Variants in NCOA6 observed in about 807,000 individuals in gnomAD.
NCOA6 encodes nuclear receptor coactivator 6.
Under a neutral mutation model 171.4 loss-of-function variants are expected in NCOA6, and 49 were observed. The observed-to-expected ratio is 0.29, with a 90% confidence interval of 0.23 to 0.36. The LOEUF is 0.36. Among genes scored for constraint, NCOA6 ranks in the 10% least tolerant of loss-of-function variants. NCOA6 has a pLI of 1.00. For synonymous variants in NCOA6, 910 were observed against 927.5 expected, an observed-to-expected ratio of 0.98 and a Z score of 0.34; for missense variants, 2,248 against 2,554.5, an observed-to-expected ratio of 0.88 and a Z score of 2.59.
At chr20:34,751,262 C>T (rs1600851855) in intron 8 of NCOA6, among the ~76,000 whole-genome samples, 3 of 145,844 alleles carry the variant, frequency 2.1e-5, no homozygotes, top group East Asian at 2.0e-4. Flanking sequence ...CCCAGCTACT[C>T]GGGAGGCTGA....
intron 5 of NCOA6, among the ~76,000 whole-genome samples, chr20:34,765,698 T>C (rs965625689): frequency 6.6e-5 from 10 of 152,208 alleles, no homozygotes; most frequent in African/African-American, 2.2e-4. Context: ...ATCTGGTGGG[T>C]AGAAGCCAGG....
intron 2 of NCOA6, among the ~76,000 whole-genome samples, chr20:34,790,812 G>C (rs1158719872): frequency 6.6e-6 from 1 of 151,626 alleles, no homozygotes; most frequent in Non-Finnish European, 1.5e-5. Context: ...ACCATGCCTG[G>C]CTAATTTTGT....
intron 7 of NCOA6, 116 bp downstream of exon 7, chr20:34,757,104 C>T: frequency 8.5e-7 from 1 of 1,177,864 alleles, no homozygotes; most frequent in South Asian, 1.8e-5. Context: ...ACCATATCCA[C>T]AAAACCAAAT....
intron 12 of NCOA6, among the ~76,000 whole-genome samples, chr20:34,735,036 G>C (rs17092066): frequency 0.48 from 72,784 of 152,038 alleles, 17,840 homozygotes; most frequent in Admixed American, 0.61. Flanking sequence ...GATCAAGAAG[G>C]TTTGATGAAG....
chr20:34,726,989 C>A (rs762870521), intron 14 of NCOA6, among the ~76,000 whole-genome samples: 6 of 152,056 alleles, frequency 3.9e-5, no homozygotes, highest in East Asian at 1.9e-4. Flanking sequence ...ACAACAACAA[C>A]AAAAAAACCC....
intron 12 of NCOA6, among the ~76,000 whole-genome samples, chr20:34,734,715 A>C (rs945073814): frequency 1.3e-5 from 2 of 151,060 alleles, no homozygotes; most frequent in African/African-American, 4.9e-5. Context: ...TCAATGGCGC[A>C]ATCTCCGGCT....
At chr20:34,721,753 T>G (rs1213081616) in intron 14 of NCOA6, among the ~76,000 whole-genome samples, 2 of 152,104 alleles carry the variant, frequency 1.3e-5, no homozygotes, top group African/African-American at 2.4e-5. Context: ...GCCCGGGGAT[T>G]GGGGACCACT....
chr20:34,758,299 T>C (rs888079101), intron 6 of NCOA6, among the ~76,000 whole-genome samples, 195 bp from the exon 7 acceptor site: 1 of 152,204 alleles, frequency 6.6e-6, no homozygotes, highest in Non-Finnish European at 1.5e-5. Context: ...GCTTGGTCAG[T>C]AGTGGACATT....
rs903653367 is a variant in NCOA6, at chr20:34,782,295, T to C, written c.61A>G (p.Met21Val). 25 of 1,612,940 alleles carry C rather than the reference T, an allele frequency of 1.5e-5. No homozygotes were observed. The highest frequency in any genetic ancestry group is 2.1e-5 in the Non-Finnish European group (25 of 1,179,590). Residue 21 changes from methionine (M) to valine (V), a missense_variant, in exon 3 of 15, where the codon ATG becomes GTG. Transcript: ENST00000359003. ...TCAAAATCCATCTCTGAGTCTTCCA[T>C]TGTTGATGAACACAAGGAAGTATAG... Reference protein sequence around the residue: ...DIYTSLCSSTMEDSEMDFDSG... With the variant: ...DIYTSLCSSTVEDSEMDFDSG...
intron 1 of NCOA6, among the ~76,000 whole-genome samples, chr20:34,807,776 C>T (rs888640193): frequency 6.6e-6 from 1 of 151,908 alleles, no homozygotes; most frequent in African/African-American, 2.4e-5. Context: ...CCGCCCTCCT[C>T]GGCCTCCCAA....
intron 5 of NCOA6, among the ~76,000 whole-genome samples, chr20:34,759,155 G>A (rs966500202): frequency 6.6e-6 from 1 of 151,928 alleles, no homozygotes; most frequent in Non-Finnish European, 1.5e-5. Context: ...AAATAGCTGG[G>A]ACCATGGGCA....
chr20:34,800,901 G>A (rs2078234250), intron 1 of NCOA6, among the ~76,000 whole-genome samples: 1 of 152,138 alleles, frequency 6.6e-6, no homozygotes, highest in Non-Finnish European at 1.5e-5. Flanking sequence ...TCCAATGGCT[G>A]CAGAATCCAC....
chr20:34,741,536 T>C lies in NCOA6; in HGVS notation c.4720A>G (p.Ser1574Gly), dbSNP rs370256002. The C allele has an allele frequency of 7.4e-6, 12 of 1,614,036 alleles. No homozygotes were observed. The highest frequency in any genetic ancestry group is 1.1e-5 in the South Asian group (1 of 91,088). ...LSEVSSNVAP[S>G]IPPVMSRPVS... Reference sequence around the variant, plus strand: ...GGTCTTGACATTACTGGAGGGATGCTTGGTGCAACGTTAGAACTGACCTCA... The same window carrying C: ...GGTCTTGACATTACTGGAGGGATGCCTGGTGCAACGTTAGAACTGACCTCA... Residue 1574 changes from serine to glycine, a missense_variant, in exon 11 of 15, where the codon AGC becomes GGC. Coordinates refer to ENST00000359003, the MANE Select transcript of NCOA6 (RefSeq NM_014071.5).
At chr20:34,727,197 C>T in intron 14 of NCOA6, 62 bp downstream of exon 14, 5 of 1,554,836 alleles carry the variant, frequency 3.2e-6, no homozygotes, top group Admixed American at 3.6e-5. Flanking sequence ...TCTTCTACTG[C>T]TGTGGTAAGA....
chr20:34,727,674 A>T (rs915372854), intron 13 of NCOA6, among the ~76,000 whole-genome samples: 4 of 152,136 alleles, frequency 2.6e-5, no homozygotes, highest in East Asian at 3.9e-4. Flanking sequence ...TAAAAGACAT[A>T]AAAAAATTGG....
chr20:34,731,305 C>T (rs537356853), intron 13 of NCOA6, among the ~76,000 whole-genome samples: 1 of 152,364 alleles, frequency 6.6e-6, no homozygotes, highest in East Asian at 1.9e-4. Flanking sequence ...CAGGCGTGAG[C>T]CACTGCACCC....
intron 5 of NCOA6, 96 bp from the exon 6 acceptor site, chr20:34,759,029 GTTTT>G (rs11476500): frequency 4.0e-5 from 42 of 1,060,826 alleles, no homozygotes; most frequent in Non-Finnish European, 5.0e-5. Context: ...TGGAAAATTT[GTTTT>G]TTTTTTTTTG....
At chr20:34,735,908 A>G (rs2075941192) in intron 12 of NCOA6, among the ~76,000 whole-genome samples, 4 of 151,954 alleles carry the variant, frequency 2.6e-5, no homozygotes, top group Admixed American at 2.0e-4. Context: ...TGTAGTTTCA[A>G]TGAGATTCTT....
rs770451699 is a variant in NCOA6, at chr20:34,736,752, G to T, written c.5900C>A (p.Ser1967Ter). The change falls in exon 12 of 15, where the codon TCG becomes TAG. Residue 1967 changes from serine to a stop codon, truncating the protein, a stop_gained. Transcript: ENST00000359003. LOFTEE classifies it high-confidence loss of function. ...AGTTTCCTTTGAGACTAAATTCTGC[G>T]ACGGGGCTAAGGCAAGGAAAAAAAA... ...HPELLPSIAP[S>*]QNLVSKETST... The T allele has an allele frequency of 6.2e-7, 1 of 1,610,260 alleles. No homozygotes were observed. The highest frequency in any genetic ancestry group is 1.3e-5 in the African/African-American group (1 of 74,864).
Sources: allele counts gnomAD v4.1 joint callset (sites outside exome capture counted in the v4.1 genomes callset), GRCh38; gene constraint gnomAD v4.1.1; transcripts MANE v1.5; gene names NCBI Gene and HGNC (gene_info 2026-07-23, HGNC 2026-07-21).